Variants in USH2A observed in about 807,000 individuals in gnomAD.
USH2A encodes the protein Usher syndrome 2A (autosomal recessive, mild).
In USH2A, 443 loss-of-function variants were observed where a neutral mutation model predicts 538.9. The ratio of observed to expected loss-of-function variants is 0.82; its 90% CI spans 0.76 to 0.89. The LOEUF (loss-of-function observed/expected upper bound fraction) is 0.89, where lower values mean the gene tolerates loss of function less well. USH2A is among the 40% of genes least tolerant of loss of function. The pLI is 0.00. For synonymous variants in USH2A, 2,413 were observed against 2,273.5 expected (o/e 1.06, Z -1.75); for missense variants, 6,633 against 6,324.8 (o/e 1.05, Z -1.65).
At chr1:215,638,489 A>T (rs1413102369) in intron 69 of USH2A, among the ~76,000 whole-genome samples, 1 of 151,578 alleles carries the variant, frequency 6.6e-6, no homozygotes, top group African/African-American at 2.4e-5. Context: ...GCGTGGTGAC[A>T]TACACTTGTA....
At chr1:216,368,704 T>C (rs2038645512) in intron 3 of USH2A, among the ~76,000 whole-genome samples, 1 of 152,228 alleles carries the variant, frequency 6.6e-6, no homozygotes, top group South Asian at 2.1e-4. Context: ...TGATGGTTGT[T>C]TCTAACTTAA....
intron 54 of USH2A, among the ~76,000 whole-genome samples, chr1:215,781,063 C>T (rs1445614844): frequency 6.6e-6 from 1 of 152,158 alleles, no homozygotes; most frequent in African/African-American, 2.4e-5. Context: ...TGTTTATTTC[C>T]AGTCTTCTTT....
At chr1:215,867,849 A>T (rs778658247) in intron 43 of USH2A, among the ~76,000 whole-genome samples, 4 of 152,180 alleles carry the variant, frequency 2.6e-5, no homozygotes, top group Non-Finnish European at 5.9e-5. Context: ...TATGAGGAGG[A>T]CTTTCCAAGT....
intron 61 of USH2A, among the ~76,000 whole-genome samples, chr1:215,707,098 A>G (rs907921386): frequency 2.0e-5 from 3 of 152,130 alleles, no homozygotes; most frequent in Non-Finnish European, 4.4e-5. Flanking sequence ...ATTTGGACAA[A>G]ATGGGAACAA....
At chr1:215,839,537 G>C (rs947389140) in intron 46 of USH2A, among the ~76,000 whole-genome samples, 1 of 152,050 alleles carries the variant, frequency 6.6e-6, no homozygotes, top group Non-Finnish European at 1.5e-5. Context: ...AACTACTTAG[G>C]TATATTCAAA....
At chr1:215,683,105 T>C (rs1011209480) in intron 61 of USH2A, among the ~76,000 whole-genome samples, 2 of 152,086 alleles carry the variant, frequency 1.3e-5, no homozygotes, top group Non-Finnish European at 2.9e-5. Flanking sequence ...CAGGTTGGTC[T>C]CCAACTCTAG....
At chr1:215,665,166 T>G (rs1259770367) in intron 64 of USH2A, among the ~76,000 whole-genome samples, 1 of 152,188 alleles carries the variant, frequency 6.6e-6, no homozygotes, top group African/African-American at 2.4e-5. Flanking sequence ...GAGGATCCCC[T>G]TCTGTGTCTC....
intron 47 of USH2A, among the ~76,000 whole-genome samples, chr1:215,825,564 A>G (rs527561277): frequency 1.3e-5 from 2 of 152,316 alleles, no homozygotes; most frequent in African/African-American, 4.8e-5. Flanking sequence ...TTGTTTGACC[A>G]GAGAAAAGAA....
In USH2A at chr1:215,926,371, T is replaced by A. The variant is rs184894113; in HGVS notation, c.7300+8245A>T. 7.9e-3 allele frequency among the ~76,000 whole-genome samples: 1,203 copies of A among 152,040 alleles called. 12 individuals are homozygous for A. The highest frequency in any genetic ancestry group is 0.028 in the African/African-American group (1,155 of 41,496). ...TCCTTTAAAAACTGAAGGAGAAAAA[T>A]AAGTTCACTGAGCAAGTTATGCCAC... On this transcript the variant is annotated intron_variant, in intron 38 of 71. Coordinates refer to ENST00000307340, the MANE Select transcript of USH2A (RefSeq NM_206933.4).
intron 37 of USH2A, among the ~76,000 whole-genome samples, chr1:215,964,357 C>A (rs375208633): frequency 2.6e-5 from 4 of 152,196 alleles, no homozygotes; most frequent in Non-Finnish European, 4.4e-5. Flanking sequence ...GACTCTGACA[C>A]GCACTTGACT....
At chr1:216,406,684 C>G (rs1010077537) in intron 3 of USH2A, among the ~76,000 whole-genome samples, 2 of 152,082 alleles carry the variant, frequency 1.3e-5, no homozygotes, top group African/African-American at 4.8e-5. Context: ...TTATAATGGT[C>G]ACTAGTTTTC....
Position 216,198,334 on chromosome 1 carries a change from T to C in USH2A, c.4062A>G (p.Ser1354=), listed in dbSNP as rs1173545767. 33 of 1,614,028 alleles carry C rather than the reference T, an allele frequency of 2.0e-5. No homozygotes were observed. In the East Asian group the frequency reaches 7.4e-4, roughly 36 times the overall value. Residue 1354 remains serine, a synonymous_variant, in exon 18 of 72, where the codon TCA becomes TCG. Coordinates refer to ENST00000307340, the MANE Select transcript of USH2A (RefSeq NM_206933.4). ...MAGSVSSAWV[S]ERTGESAPVF... is the part of the protein sequence containing the mutation. The stretch of plus-strand genomic sequence containing the variant: ...CTTTACCTGATTCTCCCGTTCTTTC[T>C]GAGACCCAGGCAGAAGACACACTTC...
At chr1:216,242,892 T>C (rs1456185957) in intron 13 of USH2A, among the ~76,000 whole-genome samples, 1 of 152,172 alleles carries the variant, frequency 6.6e-6, no homozygotes, top group Non-Finnish European at 1.5e-5. Context: ...AGTTTCCCCA[T>C]CAAAATTTAA....
intron 47 of USH2A, among the ~76,000 whole-genome samples, chr1:215,822,107 G>A (rs933467012): frequency 6.6e-6 from 1 of 151,558 alleles, no homozygotes; most frequent in South Asian, 2.1e-4. Context: ...GCTATTCTGG[G>A]TGTTTTGTGG....
chr1:215,722,726 C>A (rs1326096353), intron 61 of USH2A, among the ~76,000 whole-genome samples: 1 of 152,128 alleles, frequency 6.6e-6, no homozygotes, highest in Non-Finnish European at 1.5e-5. Flanking sequence ...TTCTCAGCAC[C>A]TTATGCTTGA....
At chr1:215,632,347 A>T (rs1336535963) in intron 70 of USH2A, among the ~76,000 whole-genome samples, 4 of 152,108 alleles carry the variant, frequency 2.6e-5, no homozygotes, top group Non-Finnish European at 5.9e-5. Flanking sequence ...CTTTGACAAA[A>T]CGAAGCTTAA....
At chr1:215,651,037 G>C (rs1657062946) in intron 64 of USH2A, among the ~76,000 whole-genome samples, 1 of 151,940 alleles carries the variant, frequency 6.6e-6, no homozygotes, top group Non-Finnish European at 1.5e-5. Flanking sequence ...ACACAAAGGG[G>C]GCCGTTTAGG....
rs537916993 is a variant in USH2A at position 215,708,006 on chromosome 1, A to G, written c.12066+20024T>C. On this transcript the variant is annotated intron_variant, in intron 61 of 71. Transcript: ENST00000307340. Reference sequence around the variant, plus strand: ...AACAATTAAAACAAATTTAAAACTCATAGAATCTTAGAAGGGAATTTATAA... The same window carrying G: ...AACAATTAAAACAAATTTAAAACTCGTAGAATCTTAGAAGGGAATTTATAA... 8.5e-5 allele frequency among the ~76,000 whole-genome samples: 13 copies of G among 152,320 alleles called. No homozygotes were observed. The South Asian group carries it at 2.1e-3, about 24-fold the overall frequency.
At chr1:216,307,818 G>T (rs2037345726) in intron 9 of USH2A, among the ~76,000 whole-genome samples, 1 of 152,100 alleles carries the variant, frequency 6.6e-6, no homozygotes, top group South Asian at 2.1e-4. Context: ...TCAGCTCCAG[G>T]TAAGGCCAAA....
Sources: allele counts gnomAD v4.1 joint callset (sites outside exome capture counted in the v4.1 genomes callset), GRCh38; gene constraint gnomAD v4.1.1; transcripts MANE v1.5; gene names NCBI Gene and HGNC (gene_info 2026-07-23, HGNC 2026-07-21).